POFUT3: variants seen among roughly 807,000 people sequenced by gnomAD.
POFUT3 encodes protein O-fucosyltransferase 3, also known as GDP-fucose protein O-fucosyltransferase 3.
the POFUT3 span, among the ~76,000 whole-genome samples, chr8:33,336,577 T>C: frequency 1.3e-5 from 2 of 152,018 alleles, no homozygotes; most frequent in Non-Finnish European, 2.9e-5. Flanking sequence ...GTCTGTTGGA[T>C]TGAGGGGAGG....
the POFUT3 span, among the ~76,000 whole-genome samples, chr8:33,468,836 A>C: frequency 2.6e-5 from 4 of 152,108 alleles, no homozygotes; most frequent in African/African-American, 9.7e-5. Flanking sequence ...AGACCTCAAG[A>C]TAAAAATAAA....
the POFUT3 span, among the ~76,000 whole-genome samples, chr8:33,409,911 T>TA: frequency 6.8e-4 from 100 of 146,548 alleles, 1 homozygote; most frequent in African/African-American, 1.7e-3. Context: ...CCTCAAAAAA[T>TA]AAAAAAAAAA....
chr8:33,456,024 G>A, the POFUT3 span: 3 of 314,798 alleles, frequency 9.5e-6, no homozygotes, highest in African/African-American at 4.4e-5. Flanking sequence ...GAGCAGCAGA[G>A]CCATCACTGA....
the POFUT3 span, among the ~76,000 whole-genome samples, chr8:33,380,028 C>CTATATATATACTA: frequency 1.5e-5 from 1 of 65,806 alleles, no homozygotes; most frequent in Non-Finnish European, 2.5e-5. Flanking sequence ...TATATATATA[C>CTATATATATACTA]TATATATATA....
At chr8:33,462,618 C>A in the POFUT3 span, among the ~76,000 whole-genome samples, 1 of 152,204 alleles carries the variant, frequency 6.6e-6, no homozygotes, top group East Asian at 1.9e-4. Flanking sequence ...ATGATCTTTT[C>A]AAAAAAGTTG....
At chr8:33,393,632 T>A in the POFUT3 span, among the ~76,000 whole-genome samples, 2 of 152,192 alleles carry the variant, frequency 1.3e-5, no homozygotes, top group African/African-American at 4.8e-5. Flanking sequence ...ATTATTAACC[T>A]CACTTTACTA....
At chr8:33,433,700 C>T in the POFUT3 span, among the ~76,000 whole-genome samples, 1 of 151,354 alleles carries the variant, frequency 6.6e-6, no homozygotes, top group Admixed American at 6.6e-5. Context: ...AGGAGAATCA[C>T]TTGAACTCAG....
At chr8:33,392,623 C>T in the POFUT3 span, among the ~76,000 whole-genome samples, 201 of 151,906 alleles carry the variant, frequency 1.3e-3, no homozygotes, top group African/African-American at 4.7e-3. Context: ...GTCATTTTGC[C>T]CTGCAAGCAT....
the POFUT3 span, among the ~76,000 whole-genome samples, chr8:33,327,608 G>T: frequency 1.3e-5 from 2 of 152,170 alleles, no homozygotes; most frequent in Non-Finnish European, 2.9e-5. Context: ...CACCCAGCTA[G>T]ATGGGATTCC....
At chr8:33,394,020 A>T in the POFUT3 span, among the ~76,000 whole-genome samples, 3 of 152,036 alleles carry the variant, frequency 2.0e-5, no homozygotes, top group African/African-American at 7.3e-5. Context: ...TGTCCACAAG[A>T]AATGTTTTTA....
chr8:33,455,870 A>G, the POFUT3 span: 4 of 453,232 alleles, frequency 8.8e-6, no homozygotes, highest in African/African-American at 8.1e-5. Context: ...CGTGACTTTC[A>G]TTAGATTCTC....
At chr8:33,372,641 C>G in the POFUT3 span, 1 of 1,614,020 alleles carries the variant, frequency 6.2e-7, no homozygotes, top group Non-Finnish European at 8.5e-7. Context: ...ATCAACCAGC[C>G]ACCTTAGTGC....
At chr8:33,431,217 C>G in the POFUT3 span, among the ~76,000 whole-genome samples, 1 of 152,144 alleles carries the variant, frequency 6.6e-6, no homozygotes, top group East Asian at 1.9e-4. Flanking sequence ...TAATTAAGTG[C>G]TCCTCAAAGG....
the POFUT3 span, chr8:33,389,075 G>T: frequency 6.2e-7 from 1 of 1,614,128 alleles, no homozygotes; most frequent in African/African-American, 1.3e-5. Context: ...TTCCCTGAGA[G>T]CTGTCAGAAG....
the POFUT3 span, among the ~76,000 whole-genome samples, chr8:33,380,030 A>ATATATATATAG: frequency 1.4e-5 from 1 of 73,050 alleles, no homozygotes; most frequent in African/African-American, 7.1e-5. Context: ...TATATATACT[A>ATATATATATAG]TATATATACG....
At chr8:33,383,551 C>A in the POFUT3 span, among the ~76,000 whole-genome samples, 1 of 152,112 alleles carries the variant, frequency 6.6e-6, no homozygotes, top group African/African-American at 2.4e-5. Context: ...GTAATCTCAG[C>A]ACTTTGGGAG....
chr8:33,355,910 G>C, the POFUT3 span, among the ~76,000 whole-genome samples: 4,411 of 152,146 alleles, frequency 0.029, 175 homozygotes, highest in African/African-American at 0.091. Flanking sequence ...CTATGAGTAA[G>C]AATATGTGGT....
the POFUT3 span, among the ~76,000 whole-genome samples, chr8:33,455,274 C>G: frequency 6.6e-6 from 1 of 152,152 alleles, no homozygotes. Context: ...GTCTGGGTCA[C>G]TGGACAGCTT....
chr8:33,328,666 G>A, the POFUT3 span, among the ~76,000 whole-genome samples: 7 of 152,176 alleles, frequency 4.6e-5, no homozygotes, highest in African/African-American at 1.4e-4. Flanking sequence ...CCAGCCCGAA[G>A]CCATCCCTGG....
Sources: gnomAD v4.1 joint callset for allele counts (sites outside exome capture counted in the v4.1 genomes callset) on GRCh38, gnomAD v4.1.1 for gene constraint, MANE v1.5 for transcripts, NCBI Gene and HGNC (gene_info 2026-07-23, HGNC 2026-07-21) for gene names.